The following MYLK2 variants were observed in gnomAD, a reference collection of about 807,000 sequenced individuals.
MYLK2 encodes myosin light chain kinase 2.
Under a neutral mutation model 58.2 loss-of-function variants are expected in MYLK2, and 27 were observed. That is an observed-to-expected ratio of 0.46 (90% CI 0.34 to 0.64). The LOEUF is 0.64. MYLK2 is among the 30% of genes least tolerant of loss of function. MYLK2 has a pLI of 0.01. For missense variants in MYLK2, 676 were observed against 764.3 expected (o/e 0.88, Z 1.36); for synonymous variants, 310 against 296.7 (o/e 1.04, Z -0.46).
At chr20:31,827,134 G>C in intron 8 of MYLK2, 196 bp downstream of exon 8, 1 of 959,648 alleles carries the variant, frequency 1.0e-6, no homozygotes, top group Non-Finnish European at 1.2e-6. Context: ...AGAGAGAGAG[G>C]GGGGGAAAAA....
At chr20:31,828,471 C>T (rs1199241650) in intron 8 of MYLK2, 1 of 985,286 alleles carries the variant, frequency 1.0e-6, no homozygotes, top group Non-Finnish European at 1.2e-6. Context: ...GTGCTGGGTA[C>T]CTGCTCCTGG....
In MYLK2 at chr20:31,832,109, G is replaced by GAA; in HGVS notation, c.1685_1686dup (p.Tyr563AsnfsTer4). 6.6e-7 allele frequency: 1 copy of GAA among 1,518,814 alleles called. No homozygotes were observed. Among genetic ancestry groups the GAA allele is most frequent in the Middle Eastern group, 1.8e-4 (1 of 5,640 alleles). The allele number at this position is 1,518,814 out of a possible 1,614,324, so 94.1% of individuals were successfully genotyped here. A position where few individuals can be genotyped will look rare whatever the true frequency, so the allele number is the denominator to read the frequency against. ...GCCTTAAGTCCCAGATCTTGCTTAA[G>GAA]AAATACCTCATGAAGAGGCGCTGGA... On this transcript the variant is annotated frameshift_variant, in exon 12 of 13. Transcript: ENST00000375985. LOFTEE classifies it high-confidence loss of function.
In MYLK2 at chr20:31,832,073, C is replaced by G. The variant is rs564912021; in HGVS notation, c.1647C>G (p.Arg549=). 5 of 1,608,030 alleles carry G rather than the reference C, an allele frequency of 3.1e-6. No individual in the cohort carries two copies. The South Asian group carries it at 5.6e-5, about 18-fold the overall frequency. ...ACAACCTGGCGGAGAAAGCCAAACG[C>G]TGTAACCGACGCCTTAAGTCCCAGA... ...WLNNLAEKAK[R]CNRRLKSQIL... Residue 549 remains arginine, a synonymous_variant, in exon 12 of 13, where the codon CGC becomes CGG. Transcript: ENST00000375985.
rs752454646 is a variant in MYLK2 at position 31,826,778 on chromosome 20, G to T, written c.1083-19G>T. On this transcript the variant is annotated intron_variant, in intron 7 of 12. Coordinates refer to ENST00000375985, the MANE Select transcript of MYLK2 (RefSeq NM_033118.4). ...ACCACCAGGCACGGAGCAAGCCGTG[G>T]AGGGGTCTGTGCACACAGCATCGAG... 6.2e-7 allele frequency: 1 copy of T among 1,614,132 alleles called. No individual in the cohort carries two copies. Among genetic ancestry groups the T allele is most frequent in the South Asian group, 1.1e-5 (1 of 91,072 alleles).
chr20:31,824,227 G>A (rs985276934), intron 5 of MYLK2, 32 bp from the exon 6 acceptor site: 1 of 1,606,660 alleles, frequency 6.2e-7, no homozygotes, highest in Admixed American at 1.7e-5. Context: ...GGGCTCTGGG[G>A]TCCCCTCACT....
intron 8 of MYLK2, chr20:31,827,303 T>C (rs1323170089): frequency 1.0e-6 from 1 of 985,236 alleles, no homozygotes; most frequent in East Asian, 1.1e-4. Context: ...TGGCCCATGA[T>C]AGGTACTAGG....
intron 6 of MYLK2, among the ~76,000 whole-genome samples, chr20:31,826,167 TG>T (rs2062278299): frequency 6.6e-6 from 1 of 152,154 alleles, no homozygotes; most frequent in Non-Finnish European, 1.5e-5. Context: ...ATTTTGGACA[TG>T]ATAGATTTGA....
At chr20:31,830,725 T>C in intron 8 of MYLK2, 94 bp from the exon 9 acceptor site, 1 of 1,329,338 alleles carries the variant, frequency 7.5e-7, no homozygotes. Context: ...AGCTTGGGCC[T>C]CTGCCTCAAG....
chr20:31,823,174 G>T (rs1280833029), intron 4 of MYLK2, among the ~76,000 whole-genome samples: 1 of 152,244 alleles, frequency 6.6e-6, no homozygotes, highest in Non-Finnish European at 1.5e-5. Context: ...TGGTGGAAAT[G>T]CAGATAGCTT....
At position 31,828,730 on chromosome 20, in the gene MYLK2, C is replaced by T. The variant is rs962011408; in HGVS notation, c.1224+1792C>T. Reference sequence around the variant, plus strand: ...ACCTGTCCCAGTTTTGCTCTGTGCCCGACACTGTCTGAGTGAGGGTGCCAT... The same window carrying T: ...ACCTGTCCCAGTTTTGCTCTGTGCCTGACACTGTCTGAGTGAGGGTGCCAT... On this transcript the variant is annotated intron_variant, in intron 8 of 12. Coordinates refer to ENST00000375985, the MANE Select transcript of MYLK2 (RefSeq NM_033118.4). 1.3e-5 allele frequency: 13 copies of T among 985,132 alleles called. No individual in the cohort carries two copies. The African/African-American group carries it at 1.6e-4, about 12-fold the overall frequency. 61.0% of individuals were successfully genotyped at this position (985,132 alleles called of 1,614,324 possible).
chr20:31,826,348 C>T (rs1460314581), intron 6 of MYLK2, among the ~76,000 whole-genome samples: 3 of 150,584 alleles, frequency 2.0e-5, no homozygotes, highest in African/African-American at 2.5e-5. Flanking sequence ...GAGAGGGAAG[C>T]GGTGAGGGGG....
intron 8 of MYLK2, among the ~76,000 whole-genome samples, chr20:31,829,640 G>T (rs956976771): frequency 1.3e-5 from 2 of 152,202 alleles, no homozygotes; most frequent in Non-Finnish European, 2.9e-5. Flanking sequence ...AGAGTTGGAG[G>T]ACATTTGTCT....
chr20:31,824,099 C>T, intron 5 of MYLK2, 160 bp from the exon 6 acceptor site: 1 of 985,444 alleles, frequency 1.0e-6, no homozygotes, highest in Non-Finnish European at 1.2e-6. Context: ...CTCACAGCTT[C>T]AGGAGGGAGT....
In MYLK2 at chr20:31,819,724, C is replaced by T. The variant is rs2062242002; in HGVS notation, c.52+92C>T. ...CAGGTTCCTCAGTGGGAGTTCTGTG[C>T]CCCAGCCTTGTTTGCATGGTGCACG... On this transcript the variant is annotated intron_variant, in intron 2 of 12. Transcript: ENST00000375985. 2.1e-6 allele frequency: 3 copies of T among 1,443,548 alleles called. No homozygotes were observed. In the East Asian group the frequency reaches 7.4e-5, roughly 36 times the overall value. The allele number at this position is 1,443,548 out of a possible 1,614,324, so 89.4% of individuals were successfully genotyped here.
chr20:31,828,207 G>A, intron 8 of MYLK2: 1 of 985,374 alleles, frequency 1.0e-6, no homozygotes, highest in Non-Finnish European at 1.2e-6. Flanking sequence ...TGTATACATT[G>A]CAGCAACTCC....
Position 31,821,636 on chromosome 20 carries a change from C to G in MYLK2, c.671C>G (p.Thr224Ser), listed in dbSNP as rs756013032. 2.5e-6 allele frequency: 4 copies of G among 1,614,024 alleles called. No individual in the cohort carries two copies. Among genetic ancestry groups the G allele is most frequent in the South Asian group, 1.1e-5 (1 of 91,078 alleles). ...GGCCAGGCTAAGATGCAAGGGGACACCTCGAGGGGGATTGAGTTCCAGGCT... is the reference window on the plus strand; with the variant it reads ...GGCCAGGCTAAGATGCAAGGGGACAGCTCGAGGGGGATTGAGTTCCAGGCT... ...QAGQAKMQGDTSRGIEFQAVP... is the reference protein window; with the variant it reads ...QAGQAKMQGDSSRGIEFQAVP... Residue 224 changes from threonine to serine, a missense_variant, in exon 4 of 13, where the codon ACC becomes AGC. Around this residue, in one of 2 missense-constraint regions of MYLK2, gnomAD observed 306 missense variants for 296.5 expected, o/e 1.03. Transcript: ENST00000375985.
chr20:31,831,912 C>T, intron 11 of MYLK2, 57 bp downstream of exon 11: 1 of 1,613,580 alleles, frequency 6.2e-7, no homozygotes, highest in East Asian at 2.2e-5. Flanking sequence ...TGTCTGAGTG[C>T]TGGCAGGGCG....
Position 31,833,823 on chromosome 20 carries a change from C to T in MYLK2, c.*26C>T, listed in dbSNP as rs747851631. 1.1e-5 allele frequency: 17 copies of T among 1,602,252 alleles called. No individual in the cohort carries two copies. The highest frequency in any genetic ancestry group is 8.0e-5 in the African/African-American group (6 of 74,780). On this transcript the variant is annotated 3_prime_UTR_variant, in exon 13 of 13. Coordinates refer to ENST00000375985, the MANE Select transcript of MYLK2 (RefSeq NM_033118.4). ...GCCCTGGGCGCAGCTGAAGCCTGGA[C>T]GCAGCCACACAGTGGCCGGGGCTGA...
chr20:31,826,611 G>A lies in MYLK2; in HGVS notation c.979G>A (p.Val327Met), dbSNP rs754661078. 1.2e-6 allele frequency: 2 copies of A among 1,614,086 alleles called. No individual in the cohort carries two copies. The highest frequency in any genetic ancestry group is 1.1e-5 in the South Asian group (1 of 91,074). ...TGACTTCCCTGGTCCCCAGGAAATG[G>A]TGTTGCTGGAGATTGAGGTCATGAA... ...KKQTPKDKEM[V>M]LLEIEVMNQL... Residue 327 changes from valine (V) to methionine (M), a missense_variant, in exon 7 of 13, where the codon GTG becomes ATG. Coordinates refer to ENST00000375985, the MANE Select transcript of MYLK2 (RefSeq NM_033118.4).
Sources: allele counts gnomAD v4.1 joint callset (sites outside exome capture counted in the v4.1 genomes callset), GRCh38; gene constraint gnomAD v4.1.1; regional missense constraint gnomAD v4.1.1; transcripts MANE v1.5; gene names NCBI Gene and HGNC (gene_info 2026-07-23, HGNC 2026-07-21).